The following ZBTB16 variants were observed in gnomAD, a reference collection of about 807,000 sequenced individuals.
ZBTB16 encodes the protein zinc finger and BTB domain-containing protein 16.
In ZBTB16, 8 loss-of-function variants were observed where a neutral mutation model predicts 56.8. The ratio of observed to expected loss-of-function variants is 0.14; its 90% CI spans 0.08 to 0.25. The LOEUF is 0.25. Among genes scored for constraint, ZBTB16 ranks in the 10% least tolerant of loss-of-function variants. The pLI is 1.00. For missense variants in ZBTB16, 625 were observed against 903.0 expected (o/e 0.69, Z 3.95); for synonymous variants, 363 against 368.5 (o/e 0.98, Z 0.17).
chr11:114,212,123 T>C (rs570878612), intron 4 of ZBTB16, among the ~76,000 whole-genome samples: 3 of 152,022 alleles, frequency 2.0e-5, no homozygotes, highest in Admixed American at 6.6e-5. Context: ...AAACAGCTTT[T>C]TCTTTTCCTT....
chr11:114,140,571 G>T (rs907721424), intron 2 of ZBTB16, among the ~76,000 whole-genome samples: 1 of 152,168 alleles, frequency 6.6e-6, no homozygotes, highest in African/African-American at 2.4e-5. Flanking sequence ...GTAGCTCCTC[G>T]GCTGCCCATT....
At chr11:114,083,921 C>G (rs1478499315) in intron 2 of ZBTB16, among the ~76,000 whole-genome samples, 1 of 152,182 alleles carries the variant, frequency 6.6e-6, no homozygotes, top group Non-Finnish European at 1.5e-5. Flanking sequence ...ATAACCCTCT[C>G]TCAGATACTT....
chr11:114,175,820 G>A (rs1943096223), intron 3 of ZBTB16, among the ~76,000 whole-genome samples: 1 of 152,038 alleles, frequency 6.6e-6, no homozygotes, highest in African/African-American at 2.4e-5. Flanking sequence ...TCATTTGGCA[G>A]GAGTGTCAGG....
At chr11:114,088,396 C>T (rs1183687287) in intron 2 of ZBTB16, among the ~76,000 whole-genome samples, 2 of 152,176 alleles carry the variant, frequency 1.3e-5, no homozygotes, top group East Asian at 3.9e-4. Context: ...CCTGCCTTAG[C>T]CTCCCAGAGT....
chr11:114,116,135 A>G (rs547191188), intron 2 of ZBTB16, among the ~76,000 whole-genome samples: 2 of 152,358 alleles, frequency 1.3e-5, no homozygotes, highest in African/African-American at 4.8e-5. Flanking sequence ...AGAAATAAGA[A>G]TATGGGTACA....
chr11:114,081,835 G>A lies in ZBTB16; in HGVS notation c.1268+17267G>A, dbSNP rs541340869. On this transcript the variant is annotated intron_variant, in intron 2 of 6. Transcript: ENST00000335953. ...AATGAGGGTGATTCATGCTGGAATG[G>A]TAGGCTGGGGTCAGACTGTGGTGCT... Among the ~76,000 whole-genome samples the A allele has an allele frequency of 3.8e-3, 585 of 152,300 alleles. 8 individuals are homozygous for A. Among genetic ancestry groups the A allele is most frequent in the African/African-American group, 0.013 (552 of 41,562 alleles).
At chr11:114,141,254 C>T (rs2071881481) in intron 2 of ZBTB16, among the ~76,000 whole-genome samples, 1 of 152,202 alleles carries the variant, frequency 6.6e-6, no homozygotes, top group Admixed American at 6.5e-5. Context: ...ACATGGGTAG[C>T]TAGAACCCTT....
At chr11:114,189,475 T>C (rs1591764746) in intron 4 of ZBTB16, 2 of 151,910 alleles carry the variant, frequency 1.3e-5, no homozygotes, top group East Asian at 3.9e-4. Context: ...CTCATGGGAG[T>C]GTAAAATGGT....
chr11:114,196,500 C>T (rs997079017), intron 4 of ZBTB16, among the ~76,000 whole-genome samples: 4 of 152,138 alleles, frequency 2.6e-5, no homozygotes, highest in African/African-American at 9.7e-5. Flanking sequence ...CTAGACTTAC[C>T]CTGGAGGAAT....
intron 2 of ZBTB16, among the ~76,000 whole-genome samples, chr11:114,119,535 A>G (rs1402222010): frequency 6.6e-6 from 1 of 152,104 alleles, no homozygotes; most frequent in East Asian, 1.9e-4. Context: ...CTGGAAAGAG[A>G]AAGTACGACA....
chr11:114,159,937 C>CGGGGGGGGG (rs140105293), intron 3 of ZBTB16, among the ~76,000 whole-genome samples: 25 of 93,384 alleles, frequency 2.7e-4, no homozygotes, highest in Admixed American at 5.1e-4. Context: ...GCGGGGGAGG[C>CGGGGGGGGG]GGGGGGGAGG....
intron 3 of ZBTB16, among the ~76,000 whole-genome samples, chr11:114,168,908 C>T (rs941097984): frequency 1.3e-5 from 2 of 152,174 alleles, no homozygotes; most frequent in Admixed American, 1.3e-4. Flanking sequence ...GCCAGAGGAG[C>T]ATGTGTTCAG....
chr11:114,123,817 G>A (rs528408857), intron 2 of ZBTB16, among the ~76,000 whole-genome samples: 3 of 152,242 alleles, frequency 2.0e-5, no homozygotes, highest in Admixed American at 2.0e-4. Flanking sequence ...AAAATGAAAA[G>A]AGGAGCAGTG....
At chr11:114,127,582 G>C (rs1941544190) in intron 2 of ZBTB16, among the ~76,000 whole-genome samples, 1 of 152,168 alleles carries the variant, frequency 6.6e-6, no homozygotes, top group South Asian at 2.1e-4. Context: ...CTTTTCAGGT[G>C]CTTGTGGATG....
At chr11:114,227,067 C>G (rs1246278046) in intron 4 of ZBTB16, among the ~76,000 whole-genome samples, 1 of 152,118 alleles carries the variant, frequency 6.6e-6, no homozygotes, top group Non-Finnish European at 1.5e-5. Context: ...CCCTGTCCAC[C>G]ACCATCACCA....
chr11:114,104,454 C>T (rs1940719596), intron 2 of ZBTB16, among the ~76,000 whole-genome samples: 1 of 152,194 alleles, frequency 6.6e-6, no homozygotes, highest in Non-Finnish European at 1.5e-5. Flanking sequence ...TTTTCTTTCA[C>T]CTACCTCCTT....
chr11:114,115,691 A>G (rs1322088610), intron 2 of ZBTB16, among the ~76,000 whole-genome samples: 1 of 152,184 alleles, frequency 6.6e-6, no homozygotes, highest in Non-Finnish European at 1.5e-5. Context: ...TCTAACAGCC[A>G]CGTATTAAGG....
At chr11:114,117,147 CG>C (rs1020033802) in intron 2 of ZBTB16, among the ~76,000 whole-genome samples, 2 of 151,850 alleles carry the variant, frequency 1.3e-5, no homozygotes, top group African/African-American at 4.8e-5. Context: ...ACGCAAAGGC[CG>C]GGGGAAGGAG....
chr11:114,154,907 TG>T (rs1477791741), intron 2 of ZBTB16, among the ~76,000 whole-genome samples: 3 of 152,224 alleles, frequency 2.0e-5, no homozygotes, highest in Admixed American at 2.0e-4. Context: ...CCTCATGCTG[TG>T]GGAGCCCATT....
Sources: gnomAD v4.1 joint callset for allele counts (sites outside exome capture counted in the v4.1 genomes callset) on GRCh38, gnomAD v4.1.1 for gene constraint, MANE v1.5 for transcripts, NCBI Gene and HGNC (gene_info 2026-07-23, HGNC 2026-07-21) for gene names.